Variants in PTPRE observed in about 807,000 individuals in gnomAD.
PTPRE encodes the protein receptor-type tyrosine-protein phosphatase epsilon.
PTPRE carries 51 observed loss-of-function variants against 102.0 expected under a neutral mutation model. The observed-to-expected ratio is 0.50, with a 90% CI of 0.40 to 0.63. The LOEUF is 0.63. Ranked by LOEUF, PTPRE falls within the 30% of genes least tolerant of loss-of-function variation. The probability of loss-of-function intolerance (pLI) is 0.00; values close to 1 mark genes in which losing one functional copy is unlikely to be tolerated. For synonymous variants in PTPRE, 345 were observed against 348.2 expected, an observed-to-expected ratio of 0.99 and a Z score of 0.10; for missense variants, 752 against 915.1, an observed-to-expected ratio of 0.82 and a Z score of 2.30.
chr10:128,047,701 G>C, intron 4 of PTPRE, 63 bp from the exon 5 acceptor site: 2 of 1,614,076 alleles, frequency 1.2e-6, no homozygotes, highest in South Asian at 1.1e-5. Context: ...TCACTGTGCC[G>C]AGCGCTGTTG....
At chr10:127,952,726 C>G (rs1344858921) in intron 1 of PTPRE, among the ~76,000 whole-genome samples, 1 of 152,182 alleles carries the variant, frequency 6.6e-6, no homozygotes, top group Non-Finnish European at 1.5e-5. Context: ...TTATCAGACA[C>G]TCAATCTTGC....
chr10:128,009,677 G>A (rs115354595), intron 2 of PTPRE, among the ~76,000 whole-genome samples: 4,650 of 152,318 alleles, frequency 0.031, 246 homozygotes, highest in African/African-American at 0.11. Flanking sequence ...TGCAGTGCGT[G>A]TGCTGCAAAG....
rs1554923595 is a variant in PTPRE at position 128,019,633 on chromosome 10, C to CCATT, written c.-7-21221_-7-21218dup. 7.4e-4 allele frequency among the ~76,000 whole-genome samples: 109 copies of CCATT among 147,352 alleles called. 1 individual carries two copies. The highest frequency in any genetic ancestry group is 1.4e-3 in the Admixed American group (21 of 15,124). On this transcript the variant is annotated intron_variant, in intron 2 of 20. Transcript: ENST00000254667. ...CTCTGGTGGTGTGTCCTATGTCAGC[C>CCATT]CATTCATTCATTCATTCATTCATTA...
chr10:127,931,055 T>C (rs1297015161), intron 1 of PTPRE, among the ~76,000 whole-genome samples: 1 of 152,134 alleles, frequency 6.6e-6, no homozygotes, highest in Admixed American at 6.5e-5. Flanking sequence ...CCTTCCAAAG[T>C]GCTGGGATTG....
chr10:128,082,195 CTTTTTTTTTTTTTT>C (rs35709074), intron 20 of PTPRE, among the ~76,000 whole-genome samples: 1 of 89,036 alleles, frequency 1.1e-5, no homozygotes, highest in African/African-American at 4.6e-5. Flanking sequence ...TTTTCTCTTT[CTTTTTTTTTTTTTT>C]TTTTTTTTTT....
intron 2 of PTPRE, among the ~76,000 whole-genome samples, chr10:128,007,957 A>C (rs1418354867): frequency 6.6e-6 from 1 of 151,922 alleles, no homozygotes; most frequent in Admixed American, 6.6e-5. Context: ...ACATTGATAA[A>C]CCCTCCTACA....
chr10:127,908,912 G>A (rs899099748), intron 1 of PTPRE, among the ~76,000 whole-genome samples: 24 of 152,216 alleles, frequency 1.6e-4, no homozygotes, highest in African/African-American at 5.5e-4. Flanking sequence ...AGATGGCTTG[G>A]GACTTAGTCA....
At chr10:127,955,317 CATACATAT>C (rs1046337105) in intron 1 of PTPRE, among the ~76,000 whole-genome samples, 8 of 151,828 alleles carry the variant, frequency 5.3e-5, no homozygotes, top group African/African-American at 1.7e-4. Flanking sequence ...TACATACATA[CATACATAT>C]ATACATACAC....
At chr10:128,061,577 T>C in intron 8 of PTPRE, 102 bp from the exon 9 acceptor site, 1 of 1,422,166 alleles carries the variant, frequency 7.0e-7, no homozygotes, top group Non-Finnish European at 9.3e-7. Context: ...TTTTGCAAAT[T>C]TTCCATGGTG....
chr10:128,043,563 A>T (rs903404445), intron 3 of PTPRE, among the ~76,000 whole-genome samples: 7 of 152,226 alleles, frequency 4.6e-5, no homozygotes, highest in South Asian at 2.1e-4. Context: ...TCCGCTGTGG[A>T]TGAATGTAGA....
intron 2 of PTPRE, among the ~76,000 whole-genome samples, chr10:127,993,328 C>G (rs923761638): frequency 1.3e-5 from 2 of 152,182 alleles, no homozygotes; most frequent in African/African-American, 4.8e-5. Flanking sequence ...TTCTCTAACT[C>G]CCATTTTCTA....
intron 2 of PTPRE, among the ~76,000 whole-genome samples, chr10:127,991,868 G>C (rs1178889866): frequency 6.6e-6 from 1 of 152,166 alleles, no homozygotes; most frequent in Non-Finnish European, 1.5e-5. Context: ...TGTAGCTCCT[G>C]TCTTGGGCCC....
chr10:127,912,217 T>C (rs1845914079), intron 1 of PTPRE, among the ~76,000 whole-genome samples: 1 of 152,202 alleles, frequency 6.6e-6, no homozygotes, highest in Non-Finnish European at 1.5e-5. Flanking sequence ...GCCAGAAATG[T>C]GGGCCCCACA....
At chr10:127,936,405 G>A (rs1430754436) in intron 1 of PTPRE, among the ~76,000 whole-genome samples, 2 of 152,162 alleles carry the variant, frequency 1.3e-5, no homozygotes, top group African/African-American at 4.8e-5. Context: ...TGTTGTAGAT[G>A]TTATGAATAG....
intron 1 of PTPRE, chr10:127,935,853 C>T (rs531899202): frequency 6.6e-5 from 10 of 152,218 alleles, no homozygotes; most frequent in Non-Finnish European, 1.5e-4. Context: ...AGGGGTCAAA[C>T]ATTTAGACTA....
At chr10:128,057,366 C>T (rs146325956) in intron 7 of PTPRE, among the ~76,000 whole-genome samples, 1,564 of 152,278 alleles carry the variant, frequency 0.01, 24 homozygotes, top group African/African-American at 0.019. Context: ...GTTTAAATCC[C>T]GAACCTGCAG....
intron 7 of PTPRE, among the ~76,000 whole-genome samples, chr10:128,059,280 G>A (rs919366523): frequency 6.6e-6 from 1 of 152,232 alleles, no homozygotes; most frequent in African/African-American, 2.4e-5. Flanking sequence ...CTGCAGGACT[G>A]TAAGTTTGGG....
At chr10:128,006,944 T>A (rs1854614887) in intron 2 of PTPRE, among the ~76,000 whole-genome samples, 3 of 152,322 alleles carry the variant, frequency 2.0e-5, no homozygotes, top group African/African-American at 4.8e-5. Flanking sequence ...ACAGCTCAAG[T>A]ACAACTCCAC....
chr10:127,922,599 G>A (rs1470016933), intron 1 of PTPRE, among the ~76,000 whole-genome samples: 1 of 152,226 alleles, frequency 6.6e-6, no homozygotes, highest in Non-Finnish European at 1.5e-5. Context: ...TGGTTGCCCA[G>A]CTCTCTGCTC....
Sources: allele counts gnomAD v4.1 joint callset (sites outside exome capture counted in the v4.1 genomes callset), GRCh38; gene constraint gnomAD v4.1.1; transcripts MANE v1.5; gene names NCBI Gene and HGNC (gene_info 2026-07-23, HGNC 2026-07-21).